The following SORL1 variants were observed in gnomAD, a reference collection of about 807,000 sequenced individuals.
The protein encoded by SORL1 is sortilin related receptor 1, also known as sortilin-related receptor.
Under a neutral mutation model 273.7 loss-of-function variants are expected in SORL1, and 127 were observed. That is an observed-to-expected ratio of 0.46 (90% CI 0.40 to 0.54). The LOEUF is 0.54. SORL1 is among the 20% of genes least tolerant of loss of function. The probability of loss-of-function intolerance (pLI) is 0.00; values close to 1 mark genes in which losing one functional copy is unlikely to be tolerated. For synonymous variants in SORL1, 1,031 were observed against 1,067.4 expected (o/e 0.97, Z 0.66); for missense variants, 2,494 against 2,846.1 (o/e 0.88, Z 2.81).
At chr11:121,576,966 A>G in intron 24 of SORL1, 2 of 1,515,168 alleles carry the variant, frequency 1.3e-6, no homozygotes, top group Non-Finnish European at 1.8e-6. Flanking sequence ...CCTTCTTCCC[A>G]TCATAGCAAG....
Position 121,606,728 on chromosome 11 carries a change from T to C in SORL1, c.4949-117T>C. 7.0e-6 allele frequency: 5 copies of C among 710,422 alleles called. No homozygotes were observed. In the Admixed American group the frequency reaches 9.1e-5, roughly 13 times the overall value. The allele number at this position is 710,422 out of a possible 1,614,324, so 44.0% of individuals were successfully genotyped here. On this transcript the variant is annotated intron_variant, in intron 35 of 47. Transcript: ENST00000260197. ...ACGACCAAGCTAGCAGCCTTTCTAG[T>C]GGATAGTCTCAATGCCGGCTGTGGA...
At position 121,632,337 on chromosome 11, in the gene SORL1, G is replaced by A. The variant is rs1245475627; in HGVS notation, c.*2774G>A. 6.6e-6 allele frequency: 1 copy of A among 152,134 alleles called. No homozygotes were observed. The highest frequency in any genetic ancestry group is 2.4e-5 in the African/African-American group (1 of 41,416). 9.4% of individuals were successfully genotyped at this position (152,134 alleles called of 1,614,324 possible). Reference sequence around the variant, plus strand: ...GTCCACATGGATAAAATGTTAGAGAGTGGAGTTCTACAGAGGATTCCAGGA... The same window carrying A: ...GTCCACATGGATAAAATGTTAGAGAATGGAGTTCTACAGAGGATTCCAGGA... On this transcript the variant is annotated 3_prime_UTR_variant, in exon 48 of 48. Transcript: ENST00000260197.
chr11:121,583,343 A>G, intron 25 of SORL1, 115 bp from the exon 26 acceptor site: 2 of 1,230,542 alleles, frequency 1.6e-6, no homozygotes, highest in Non-Finnish European at 2.2e-6. Context: ...AGATGCTCCC[A>G]CAGTTCAGAC....
At chr11:121,516,387 A>G (rs912828566) in intron 8 of SORL1, among the ~76,000 whole-genome samples, 2 of 152,204 alleles carry the variant, frequency 1.3e-5, no homozygotes, top group African/African-American at 4.8e-5. Context: ...GGGGACTGCT[A>G]CTGCTTCACC....
chr11:121,490,023 A>G lies in SORL1; in HGVS notation c.691-20A>G. 5 of 1,605,466 alleles carry G rather than the reference A, an allele frequency of 3.1e-6. No homozygotes were observed. Among genetic ancestry groups the G allele is most frequent in the Non-Finnish European group, 4.3e-6 (5 of 1,172,112 alleles). ...TTGTATTATACATGCCTCTTGCATC[A>G]TGACCACTTGTCTTTGCAGCTGTGG... On this transcript the variant is annotated intron_variant, in intron 4 of 47. Coordinates refer to ENST00000260197, the MANE Select transcript of SORL1 (RefSeq NM_003105.6).
chr11:121,609,393 G>T (rs1321080456), intron 38 of SORL1: 1 of 152,196 alleles, frequency 6.6e-6, no homozygotes, highest in African/African-American at 2.4e-5. Context: ...TTTTATTGTT[G>T]TATCTCTTCT....
At chr11:121,548,379 C>T (rs1482805704) in intron 14 of SORL1, among the ~76,000 whole-genome samples, 6 of 152,066 alleles carry the variant, frequency 3.9e-5, no homozygotes, top group Non-Finnish European at 7.4e-5. Flanking sequence ...TTAAAGTGGC[C>T]GTTCAGTAAT....
chr11:121,540,520 T>TAAA (rs1301451125), intron 12 of SORL1, among the ~76,000 whole-genome samples: 1 of 20,410 alleles, frequency 4.9e-5, no homozygotes. Context: ...CTACTAAAAA[T>TAAA]ACAAAAAAAA....
intron 2 of SORL1, among the ~76,000 whole-genome samples, chr11:121,473,619 G>A (rs1861208389): frequency 6.6e-6 from 1 of 152,260 alleles, no homozygotes; most frequent in African/African-American, 2.4e-5. Flanking sequence ...GGGGCTGGGT[G>A]AGGAGTGGCT....
chr11:121,486,681 C>G lies in SORL1; in HGVS notation c.529-1351C>G, dbSNP rs558401773. On this transcript the variant is annotated intron_variant, in intron 3 of 47. Transcript: ENST00000260197. Reference sequence around the variant, plus strand: ...TTTTTAGTAGAGATGGGTTTTCACCCTGTTAGCCAGGATGGTCTCGATCTC... The same window carrying G: ...TTTTTAGTAGAGATGGGTTTTCACCGTGTTAGCCAGGATGGTCTCGATCTC... 4.6e-3 allele frequency among the ~76,000 whole-genome samples: 697 copies of G among 151,974 alleles called. 6 individuals are homozygous for G. Among genetic ancestry groups the G allele is most frequent in the African/African-American group, 0.016 (671 of 41,438 alleles).
chr11:121,501,404 T>C (rs1861706097), intron 6 of SORL1, among the ~76,000 whole-genome samples: 1 of 152,254 alleles, frequency 6.6e-6, no homozygotes, highest in African/African-American at 2.4e-5. Context: ...TGGTAACCAC[T>C]AACCTAGTAT....
At chr11:121,600,060 A>G (rs1275080831) in intron 32 of SORL1, among the ~76,000 whole-genome samples, 1 of 152,238 alleles carries the variant, frequency 6.6e-6, no homozygotes, top group Non-Finnish European at 1.5e-5. Flanking sequence ...CATACTTGCA[A>G]GTAATACAGA....
At chr11:121,567,189 G>A (rs1862767539) in intron 22 of SORL1, 76 bp downstream of exon 22, 1 of 1,281,954 alleles carries the variant, frequency 7.8e-7, no homozygotes, top group Non-Finnish European at 1.1e-6. Context: ...GGGAGGGATA[G>A]CTCTCTGTTT....
At chr11:121,553,292 C>T (rs905836219) in intron 16 of SORL1, among the ~76,000 whole-genome samples, 1 of 152,122 alleles carries the variant, frequency 6.6e-6, no homozygotes, top group African/African-American at 2.4e-5. Flanking sequence ...ATACCCGATA[C>T]GTAGTAAGCA....
In SORL1 at chr11:121,550,062, G is replaced by A. The variant is rs781737571; in HGVS notation, c.2154G>A (p.Val718=). The change falls in exon 15 of 48, where the codon GTG becomes GTA. Residue 718 remains valine, a synonymous_variant. Transcript: ENST00000260197. This position sits in a 1 kb window ranked among gnomAD's most constrained non-coding sequence, Gnocchi z 5.3. ...KSYSPPVPCP[V]GSTYRRTRGY... is the part of the protein sequence containing the mutation. ...ACTCCCCTCCTGTGCCTTGCCCTGT[G>A]GGTTCTACTTACAGGAGAACGAGAG... The A allele has an allele frequency of 6.2e-7, 1 of 1,613,568 alleles. No individual in the cohort carries two copies. Among genetic ancestry groups the A allele is most frequent in the Non-Finnish European group, 8.5e-7 (1 of 1,179,694 alleles).
intron 20 of SORL1, 148 bp downstream of exon 20, chr11:121,558,985 C>T: frequency 9.6e-7 from 1 of 1,037,606 alleles, no homozygotes; most frequent in South Asian, 1.7e-5. Flanking sequence ...TTATTTTCAG[C>T]CTATGGAGGG....
At chr11:121,504,532 C>G (rs1837948377) in intron 6 of SORL1, among the ~76,000 whole-genome samples, 1 of 152,008 alleles carries the variant, frequency 6.6e-6, no homozygotes, top group South Asian at 2.1e-4. Flanking sequence ...TATTATTGAT[C>G]TTATATTCTA....
chr11:121,507,971 G>A (rs962432732), intron 6 of SORL1, among the ~76,000 whole-genome samples: 1 of 152,058 alleles, frequency 6.6e-6, no homozygotes, highest in Non-Finnish European at 1.5e-5. Flanking sequence ...TGTTGTTATT[G>A]TTGTTCAGGG....
At chr11:121,540,402 C>T (rs1232669396) in intron 12 of SORL1, among the ~76,000 whole-genome samples, 1 of 151,702 alleles carries the variant, frequency 6.6e-6, no homozygotes, top group East Asian at 1.9e-4. Flanking sequence ...ATGGGCCAGA[C>T]GCGGTGGCTC....
Sources: allele counts gnomAD v4.1 joint callset (sites outside exome capture counted in the v4.1 genomes callset), GRCh38; gene constraint gnomAD v4.1.1; non-coding constraint Gnocchi (gnomAD v3.1); transcripts MANE v1.5; gene names NCBI Gene and HGNC (gene_info 2026-07-23, HGNC 2026-07-21).